The following ELL2 variants were observed in gnomAD, a reference collection of about 807,000 sequenced individuals.
The protein encoded by ELL2 is elongation factor for RNA polymerase II 2, also known as RNA polymerase II elongation factor ELL2.
A neutral mutation model predicts 72.8 loss-of-function variants in ELL2; 21 were observed. That is an observed-to-expected ratio of 0.29 (90% CI 0.20 to 0.42). ELL2 has a LOEUF of 0.42. Among genes scored for constraint, ELL2 ranks in the 10% least tolerant of loss-of-function variants. The pLI is 1.00. For synonymous variants in ELL2, 266 were observed against 283.2 expected, an observed-to-expected ratio of 0.94 and a Z score of 0.61; for missense variants, 568 against 772.8, an observed-to-expected ratio of 0.73 and a Z score of 3.14.
intron 2 of ELL2, among the ~76,000 whole-genome samples, chr5:95,925,343 A>C (rs1025813062): frequency 1.3e-5 from 2 of 152,216 alleles, no homozygotes; most frequent in Non-Finnish European, 2.9e-5. Flanking sequence ...AATGAGGCTT[A>C]GTGATTTGTT....
intron 2 of ELL2, among the ~76,000 whole-genome samples, chr5:95,926,712 G>A (rs2112321823): frequency 6.6e-6 from 1 of 152,118 alleles, no homozygotes; most frequent in African/African-American, 2.4e-5. Flanking sequence ...ATTTCTGTAG[G>A]ATACAGTCTT....
At chr5:95,908,892 G>C (rs1259612680) in intron 4 of ELL2, among the ~76,000 whole-genome samples, 2 of 152,246 alleles carry the variant, frequency 1.3e-5, no homozygotes, top group East Asian at 3.9e-4. Context: ...TCTGGGAAGG[G>C]GGATGGGCAG....
At chr5:95,943,085 C>A in intron 1 of ELL2, 36 bp from the exon 2 acceptor site, 1 of 1,561,398 alleles carries the variant, frequency 6.4e-7, no homozygotes, top group South Asian at 1.2e-5. Context: ...ACAGGTAAAC[C>A]TTGGTTACTG....
intron 4 of ELL2, among the ~76,000 whole-genome samples, chr5:95,908,736 G>A (rs1256053028): frequency 1.3e-5 from 2 of 152,066 alleles, no homozygotes; most frequent in Non-Finnish European, 2.9e-5. Flanking sequence ...AATTTTAATA[G>A]GAAATATTTT....
At chr5:95,961,464 G>A (rs983538700) in intron 1 of ELL2, 111 bp downstream of exon 1, 1 of 1,278,546 alleles carries the variant, frequency 7.8e-7, no homozygotes, top group African/African-American at 1.6e-5. Context: ...TGCGGGCGCT[G>A]ACGGTAGCAG....
At chr5:95,900,603 G>C (rs1749096658) in intron 7 of ELL2, 90 bp downstream of exon 7, 15 of 941,402 alleles carry the variant, frequency 1.6e-5, no homozygotes, top group Non-Finnish European at 2.3e-5. Flanking sequence ...AGCTTCTCCG[G>C]GTCTCATTTC....
At chr5:95,955,518 G>A (rs953203321) in intron 1 of ELL2, among the ~76,000 whole-genome samples, 2 of 152,064 alleles carry the variant, frequency 1.3e-5, no homozygotes, top group African/African-American at 4.8e-5. Context: ...AAAATAGGAA[G>A]GAAGGAAAGA....
intron 2 of ELL2, among the ~76,000 whole-genome samples, chr5:95,922,420 T>C (rs1403176796): frequency 6.6e-6 from 1 of 152,164 alleles, no homozygotes; most frequent in East Asian, 1.9e-4. Flanking sequence ...TTTTCAAGAG[T>C]GATTAGAGTC....
intron 1 of ELL2, among the ~76,000 whole-genome samples, chr5:95,944,708 C>T (rs1751090584): frequency 6.6e-6 from 1 of 152,168 alleles, no homozygotes; most frequent in Non-Finnish European, 1.5e-5. Flanking sequence ...GTTCATGTTC[C>T]AGCTTTCACA....
Position 95,961,751 on chromosome 5 carries a change from G to GCT in ELL2, c.-31_-30insAG. The stretch of plus-strand genomic sequence containing the variant: ...AACTCCCCGGGGTGCCGCCGCCGCC[G>GCT]CCGCTCCGGCTCTAGCCTCCACTGC... On this transcript the variant is annotated 5_prime_UTR_variant, in exon 1 of 12. It removes the in-frame stop codon of an upstream open reading frame in the 5' UTR. Transcript: ENST00000237853. 1 of 1,571,108 alleles carries GCT rather than the reference G, an allele frequency of 6.4e-7. No individual in the cohort carries two copies. The highest frequency in any genetic ancestry group is 8.6e-7 in the Non-Finnish European group (1 of 1,161,006).
chr5:95,942,977 T>C lies in ELL2; in HGVS notation c.195+25A>G, dbSNP rs1049208621. ...TAGCGTGCAAGAACATTAGATTTGT[T>C]TGTTAAATCAATAAGAGTACTCACC... On this transcript the variant is annotated intron_variant, in intron 2 of 11. Coordinates refer to ENST00000237853, the MANE Select transcript of ELL2 (RefSeq NM_012081.6). 4 of 1,546,558 alleles carry C rather than the reference T, an allele frequency of 2.6e-6. No homozygotes were observed. The African/African-American group carries it at 4.2e-5, about 16-fold the overall frequency.
At chr5:95,948,812 T>C (rs1194058532) in intron 1 of ELL2, among the ~76,000 whole-genome samples, 2 of 152,214 alleles carry the variant, frequency 1.3e-5, no homozygotes. Flanking sequence ...AGAGTTATCT[T>C]GTATCTATTT....
chr5:95,929,078 C>G (rs961140765), intron 2 of ELL2, among the ~76,000 whole-genome samples: 2 of 152,160 alleles, frequency 1.3e-5, no homozygotes, highest in African/African-American at 2.4e-5. Context: ...CCCTCAGGAG[C>G]CTTTGCTTTC....
intron 2 of ELL2, among the ~76,000 whole-genome samples, chr5:95,920,546 G>A (rs1750018697): frequency 6.6e-6 from 1 of 151,704 alleles, no homozygotes; most frequent in African/African-American, 2.4e-5. Context: ...CTTGTTCAAG[G>A]GCTGGCTTCC....
chr5:95,938,216 C>T (rs1462747489), intron 2 of ELL2, among the ~76,000 whole-genome samples: 1 of 152,148 alleles, frequency 6.6e-6, no homozygotes, highest in Admixed American at 6.5e-5. Context: ...TAGCAGTATT[C>T]AAGCCTTTAA....
rs1462465502 is a variant in ELL2, at chr5:95,961,700, C to T, written c.22G>A (p.Gly8Ser). The T allele has an allele frequency of 6.2e-7, 1 of 1,606,244 alleles. No individual in the cohort carries two copies. The highest frequency in any genetic ancestry group is 8.5e-7 in the Non-Finnish European group (1 of 1,177,426). Residue 8 changes from glycine to serine, a missense_variant, in exon 1 of 12, where the codon GGC becomes AGC. Gly to Ser is a moderately conservative substitution (Grantham distance 56). This residue lies in a region of ELL2 where 57 missense variants were observed against 44.4 expected (regional missense o/e 1.28). Transcript: ENST00000237853. MAAGGTG[G>S]LREEQRYGLS... is the part of the protein sequence containing the mutation. ...CCATAGCGCTGCTCCTCCCGCAGGCCCCCTGTCCCCCCCGCCGCCATCTTA... is the reference window on the plus strand; with the variant it reads ...CCATAGCGCTGCTCCTCCCGCAGGCTCCCTGTCCCCCCCGCCGCCATCTTA...
intron 2 of ELL2, among the ~76,000 whole-genome samples, chr5:95,922,220 G>A (rs926970842): frequency 9.2e-5 from 14 of 152,074 alleles, no homozygotes; most frequent in South Asian, 6.2e-4. Flanking sequence ...CCGCCACCAC[G>A]CCCGGCTAAT....
intron 2 of ELL2, among the ~76,000 whole-genome samples, chr5:95,925,137 GTTC>G (rs1374565208): frequency 6.6e-6 from 1 of 152,116 alleles, no homozygotes; most frequent in Admixed American, 6.6e-5. Flanking sequence ...TAAGTGTTTT[GTTC>G]TTCTGTGGGA....
intron 2 of ELL2, among the ~76,000 whole-genome samples, chr5:95,922,278 G>C (rs114974893): frequency 1.3e-5 from 2 of 152,112 alleles, no homozygotes; most frequent in Non-Finnish European, 2.9e-5. Flanking sequence ...TAGCCCAGAC[G>C]GTCTTGATCT....
Sources: allele counts gnomAD v4.1 joint callset (sites outside exome capture counted in the v4.1 genomes callset), GRCh38; gene constraint gnomAD v4.1.1; regional missense constraint gnomAD v4.1.1; transcripts MANE v1.5; gene names NCBI Gene and HGNC (gene_info 2026-07-23, HGNC 2026-07-21).